The following C4orf51 variants were observed in gnomAD, a reference collection of about 807,000 sequenced individuals.
C4orf51 encodes the protein chromosome 4 open reading frame 51.
In C4orf51, 25 loss-of-function variants were observed where a neutral mutation model predicts 25.2. The ratio of observed to expected loss-of-function variants is 0.99; its 90% confidence interval spans 0.72 to 1.39. The LOEUF is 1.39. Among genes scored for constraint, C4orf51 ranks in the 40% most tolerant of loss-of-function variants. The pLI, the probability that C4orf51 is intolerant of heterozygous loss-of-function variation, is 0.00. For missense variants in C4orf51, 252 were observed against 239.6 expected (o/e 1.05, Z -0.34); for synonymous variants, 100 against 84.5 (o/e 1.18, Z -1.01).
intron 1 of C4orf51, among the ~76,000 whole-genome samples, chr4:145,689,711 C>T (rs762645015): frequency 1.7e-4 from 26 of 151,996 alleles, no homozygotes; most frequent in Non-Finnish European, 3.2e-4. Flanking sequence ...AGAAATTAAG[C>T]CACACACCTA....
chr4:145,775,842 G>T, downstream of C4orf51: 22 of 1,614,192 alleles, frequency 1.4e-5, no homozygotes, highest in Non-Finnish European at 1.9e-5. Flanking sequence ...TGACGGCGCT[G>T]ACAATGTCCT....
chr4:145,703,523 G>A (rs1730602979), intron 2 of C4orf51, among the ~76,000 whole-genome samples: 1 of 152,108 alleles, frequency 6.6e-6, no homozygotes, highest in South Asian at 2.1e-4. Flanking sequence ...TCTGAGATAT[G>A]GTTTGCAAAT....
intron 2 of C4orf51, among the ~76,000 whole-genome samples, chr4:145,700,637 T>C (rs1560830819): frequency 6.6e-6 from 1 of 152,164 alleles, no homozygotes; most frequent in Admixed American, 6.5e-5. Flanking sequence ...GTCCAGGCAT[T>C]ATTTTACACA....
chr4:145,685,501 G>A (rs979530281), intron 1 of C4orf51, among the ~76,000 whole-genome samples: 1 of 152,170 alleles, frequency 6.6e-6, no homozygotes, highest in Non-Finnish European at 1.5e-5. Context: ...CAACTCTAAG[G>A]GGGTGTGTGT....
chr4:145,762,546 C>T lies in C4orf51; in HGVS notation n.167-8442C>T, dbSNP rs901297388. Among the ~76,000 whole-genome samples the T allele has an allele frequency of 6.6e-6, 1 of 152,104 alleles. No individual in the cohort carries two copies. Among genetic ancestry groups the T allele is most frequent in the African/African-American group, 2.4e-5 (1 of 41,416 alleles). On this transcript the variant is annotated intron_variant and non_coding_transcript_variant, in intron 1 of 1. Transcript: ENST00000510096. This position sits in a 1 kb window ranked among gnomAD's most constrained non-coding sequence, Gnocchi z 4.9. ...TACTGGTTCATTATTTGAGTGGTCTCTACAGGCAATTTAGGTAGATTCTGG... is the reference window on the plus strand; with the variant it reads ...TACTGGTTCATTATTTGAGTGGTCTTTACAGGCAATTTAGGTAGATTCTGG...
At chr4:145,780,686 GAGA>G in the C4orf51 span, among the ~76,000 whole-genome samples, 10 of 152,216 alleles carry the variant, frequency 6.6e-5, no homozygotes, top group Admixed American at 4.6e-4. Context: ...ACCAGAAAGA[GAGA>G]AGGAGACACT....
intron 2 of C4orf51, among the ~76,000 whole-genome samples, chr4:145,696,967 G>A (rs1342901581): frequency 1.3e-5 from 2 of 152,034 alleles, no homozygotes; most frequent in African/African-American, 2.4e-5. Context: ...AACCCGGGAG[G>A]CAGAGGTTGC....
chr4:145,702,475 A>T (rs933143394), intron 2 of C4orf51, among the ~76,000 whole-genome samples: 1 of 152,092 alleles, frequency 6.6e-6, no homozygotes, highest in Non-Finnish European at 1.5e-5. Context: ...GACAGCCCCC[A>T]TTACTTCAGT....
At chr4:145,791,810 C>T in the C4orf51 span, among the ~76,000 whole-genome samples, 2 of 152,094 alleles carry the variant, frequency 1.3e-5, no homozygotes, top group Non-Finnish European at 2.9e-5. Context: ...TAAGGTTGGC[C>T]TCATTATTAT....
At chr4:145,783,183 T>C in the C4orf51 span, among the ~76,000 whole-genome samples, 3 of 152,228 alleles carry the variant, frequency 2.0e-5, no homozygotes, top group African/African-American at 7.2e-5. Flanking sequence ...TTTTGCATTA[T>C]TTATTTGTGT....
At position 145,765,218 on chromosome 4, in the gene C4orf51, G is replaced by A. The variant is rs1579079144; in HGVS notation, n.167-5770G>A. On this transcript the variant is annotated intron_variant and non_coding_transcript_variant, in intron 1 of 1. Coordinates refer to the C4orf51 transcript ENST00000510096. This position sits in a 1 kb window ranked among gnomAD's most constrained non-coding sequence, Gnocchi z 4.7. ...GTGCACAGGGCAGCGGGGAGAGGAG[G>A]GCAGGAGTGGAGCCAAGCTCCTCCC... 4.6e-6 allele frequency: 7 copies of A among 1,516,694 alleles called. No individual in the cohort carries two copies. In the East Asian group the frequency reaches 1.6e-4, roughly 35 times the overall value. The allele number at this position is 1,516,694 out of a possible 1,614,324, so 94.0% of individuals were successfully genotyped here. A position where few individuals can be genotyped will look rare whatever the true frequency, so the allele number is the denominator to read the frequency against.
chr4:145,774,615 T>A (rs1335253467), downstream of C4orf51: 2 of 1,613,550 alleles, frequency 1.2e-6, no homozygotes, highest in South Asian at 1.1e-5. Flanking sequence ...CCACGTGGAG[T>A]GACATGTGGC....
chr4:145,754,106 A>C (rs971822541), intron 1 of C4orf51: 1 of 152,218 alleles, frequency 6.6e-6, no homozygotes, highest in Admixed American at 6.5e-5. Context: ...ATTGACCTGG[A>C]GGCTAAAGAC....
chr4:145,707,869 C>T (rs1730907925), intron 2 of C4orf51, among the ~76,000 whole-genome samples: 1 of 152,210 alleles, frequency 6.6e-6, no homozygotes, highest in Non-Finnish European at 1.5e-5. Context: ...TCAAGTTTGT[C>T]CTGTTGATGA....
At chr4:145,774,564 G>A (rs369105874), downstream of C4orf51, 34 of 1,612,888 alleles carry the variant, frequency 2.1e-5, no homozygotes, top group African/African-American at 2.8e-4. Context: ...TGACGAAGTC[G>A]CAGGCAGTGC....
Position 145,710,147 on chromosome 4 carries a change from A to G in C4orf51, c.307+13515A>G, listed in dbSNP as rs1731052946. Among the ~76,000 whole-genome samples the G allele has an allele frequency of 3.3e-5, 5 of 152,382 alleles. No individual in the cohort carries two copies. The South Asian group carries it at 1.0e-3, about 32-fold the overall frequency. ...AGTCATGGCACCAAAGTATGTTACCAGCAGCGAATCCATACAGATCTGCAG... is the reference window on the plus strand; with the variant it reads ...AGTCATGGCACCAAAGTATGTTACCGGCAGCGAATCCATACAGATCTGCAG... On this transcript the variant is annotated intron_variant, in intron 2 of 5. Coordinates refer to ENST00000438731, the MANE Select transcript of C4orf51 (RefSeq NM_001080531.3).
At chr4:145,696,275 A>G (rs773780445) in intron 1 of C4orf51, among the ~76,000 whole-genome samples, 13 of 152,128 alleles carry the variant, frequency 8.5e-5, no homozygotes, top group Non-Finnish European at 1.6e-4. Context: ...AAGGAATGGA[A>G]CAACAGACAC....
At chr4:145,712,616 T>C (rs1303714524) in intron 2 of C4orf51, among the ~76,000 whole-genome samples, 1 of 152,228 alleles carries the variant, frequency 6.6e-6, no homozygotes, top group African/African-American at 2.4e-5. Flanking sequence ...TGTTGGTTCA[T>C]GTAAAGAAAG....
intron 2 of C4orf51, among the ~76,000 whole-genome samples, chr4:145,714,666 G>A (rs909775133): frequency 2.0e-5 from 3 of 152,160 alleles, no homozygotes; most frequent in Non-Finnish European, 2.9e-5. Flanking sequence ...TGGGGGATTG[G>A]TAACTGGAAA....
Sources: gnomAD v4.1 joint callset for allele counts (sites outside exome capture counted in the v4.1 genomes callset) on GRCh38, gnomAD v4.1.1 for gene constraint, Gnocchi (gnomAD v3.1) non-coding constraint, MANE v1.5 for transcripts, NCBI Gene and HGNC (gene_info 2026-07-23, HGNC 2026-07-21) for gene names.